The following CFAP210 variants were observed in gnomAD, a reference collection of about 807,000 sequenced individuals.
The protein encoded by CFAP210 is cilia- and flagella- associated protein 210.
chr2:169,679,429 C>T, the CFAP210 span, among the ~76,000 whole-genome samples: 1 of 152,138 alleles, frequency 6.6e-6, no homozygotes, highest in Non-Finnish European at 1.5e-5. Flanking sequence ...CCTGTAATCC[C>T]AGCACTTTGG....
chr2:169,686,185 A>C, the CFAP210 span, among the ~76,000 whole-genome samples: 1 of 152,216 alleles, frequency 6.6e-6, no homozygotes, highest in Non-Finnish European at 1.5e-5. Context: ...ATGTCCAGCC[A>C]ATGAGTGTAG....
the CFAP210 span, among the ~76,000 whole-genome samples, chr2:169,664,496 T>C: frequency 6.6e-6 from 1 of 152,204 alleles, no homozygotes; most frequent in African/African-American, 2.4e-5. Context: ...TTTACAATAA[T>C]TAAAAATTTA....
chr2:169,680,135 A>T, the CFAP210 span, among the ~76,000 whole-genome samples: 1 of 152,212 alleles, frequency 6.6e-6, no homozygotes, highest in Non-Finnish European at 1.5e-5. Context: ...ATATACTGAT[A>T]GAAAATAAGT....
At chr2:169,658,024 AC>A in the CFAP210 span, 7 of 152,274 alleles carry the variant, frequency 4.6e-5, no homozygotes, top group East Asian at 1.3e-3. Flanking sequence ...CCTCTCATAC[AC>A]CCATTCTTAA....
chr2:169,663,128 G>A, the CFAP210 span, among the ~76,000 whole-genome samples: 9 of 152,216 alleles, frequency 5.9e-5, no homozygotes, highest in South Asian at 1.0e-3. Context: ...AGGTCTCAAA[G>A]GCCCTTCATC....
the CFAP210 span, among the ~76,000 whole-genome samples, chr2:169,690,370 T>C: frequency 1.3e-5 from 2 of 152,208 alleles, no homozygotes; most frequent in Admixed American, 1.3e-4. Flanking sequence ...TTAGTAGAAT[T>C]AGCCAATGAA....
At chr2:169,681,986 A>G in the CFAP210 span, among the ~76,000 whole-genome samples, 1 of 152,242 alleles carries the variant, frequency 6.6e-6, no homozygotes, top group South Asian at 2.1e-4. Context: ...ATCTGAGGCA[A>G]TGATGATCTC....
the CFAP210 span, among the ~76,000 whole-genome samples, chr2:169,647,885 A>G: frequency 2.0e-5 from 3 of 152,170 alleles, no homozygotes; most frequent in Admixed American, 1.3e-4. Flanking sequence ...GGCCGGGCAC[A>G]GTGGCTCATG....
At chr2:169,687,240 C>T in the CFAP210 span, among the ~76,000 whole-genome samples, 7 of 152,262 alleles carry the variant, frequency 4.6e-5, no homozygotes, top group South Asian at 1.2e-3. Context: ...CCCTCTAAAT[C>T]TCATGTCCTC....
At chr2:169,667,757 A>G in the CFAP210 span, among the ~76,000 whole-genome samples, 22 of 152,142 alleles carry the variant, frequency 1.4e-4, no homozygotes, top group Non-Finnish European at 2.6e-4. Flanking sequence ...TGAGCAGCAG[A>G]TGTCAATAGT....
chr2:169,646,306 T>C, the CFAP210 span: 2 of 706,608 alleles, frequency 2.8e-6, no homozygotes, highest in Non-Finnish European at 4.8e-6. Context: ...CAAGTTCTGA[T>C]TTAACAACTA....
At chr2:169,670,260 T>G in the CFAP210 span, among the ~76,000 whole-genome samples, 1 of 152,150 alleles carries the variant, frequency 6.6e-6, no homozygotes, top group African/African-American at 2.4e-5. Context: ...AAAATCCCTC[T>G]ATTTTGGGAT....
At chr2:169,663,374 T>G in the CFAP210 span, among the ~76,000 whole-genome samples, 1 of 152,014 alleles carries the variant, frequency 6.6e-6, no homozygotes, top group Non-Finnish European at 1.5e-5. Context: ...TTAAAAAAAT[T>G]TTTTTCTATA....
chr2:169,651,727 C>T, the CFAP210 span, among the ~76,000 whole-genome samples: 1 of 151,998 alleles, frequency 6.6e-6, no homozygotes, highest in East Asian at 1.9e-4. Flanking sequence ...TATAAAAGGC[C>T]TTTATTTAAA....
At chr2:169,679,744 A>G in the CFAP210 span, among the ~76,000 whole-genome samples, 2 of 150,458 alleles carry the variant, frequency 1.3e-5, no homozygotes, top group Admixed American at 6.6e-5. Flanking sequence ...GTCCATGTGT[A>G]CTCAGCATTT....
chr2:169,654,875 G>A, the CFAP210 span, among the ~76,000 whole-genome samples: 3 of 151,978 alleles, frequency 2.0e-5, no homozygotes, highest in East Asian at 1.9e-4. Flanking sequence ...TGTAGCGAGC[G>A]TCCTTCCACT....
the CFAP210 span, chr2:169,694,153 A>T: frequency 2.0e-6 from 2 of 1,016,116 alleles, no homozygotes; most frequent in Non-Finnish European, 3.1e-6. Flanking sequence ...GACCTGGTGG[A>T]GTCCATTTCA....
chr2:169,678,329 G>A, the CFAP210 span, among the ~76,000 whole-genome samples: 4 of 87,840 alleles, frequency 4.6e-5, no homozygotes, highest in African/African-American at 4.7e-5. Context: ...CAACAAGAGC[G>A]AAACTCTGTT....
the CFAP210 span, among the ~76,000 whole-genome samples, chr2:169,647,108 C>T: frequency 6.6e-6 from 1 of 151,800 alleles, no homozygotes; most frequent in East Asian, 1.9e-4. Context: ...ATTCAAAATT[C>T]AGTTTACATA....
Sources: allele counts gnomAD v4.1 joint callset (sites outside exome capture counted in the v4.1 genomes callset), GRCh38; gene constraint gnomAD v4.1.1; transcripts MANE v1.5; gene names NCBI Gene and HGNC (gene_info 2026-07-23, HGNC 2026-07-21).